Variants in CAMK1D observed in about 807,000 individuals in gnomAD.
The protein encoded by CAMK1D is calcium/calmodulin-dependent protein kinase type 1D.
A neutral mutation model predicts 47.7 loss-of-function variants in CAMK1D; 9 were observed. The observed-to-expected ratio is 0.19, with a 90% CI of 0.11 to 0.33. CAMK1D has a LOEUF of 0.33. Among genes scored for constraint, CAMK1D ranks in the 10% least tolerant of loss-of-function variants. The pLI is 1.00. For missense variants in CAMK1D, 291 were observed against 488.7 expected (o/e 0.60, Z 3.81); for synonymous variants, 184 against 184.9 (o/e 0.99, Z 0.04).
In CAMK1D at chr10:12,674,599, C is replaced by CTTTTTTTTTTTTTTT. The variant is rs11391139; in HGVS notation, c.299+7793_299+7807dup. Among the ~76,000 whole-genome samples the CTTTTTTTTTTTTTTT allele has an allele frequency of 1.1e-3, 67 of 63,444 alleles. 4 individuals carry two copies. The highest frequency in any genetic ancestry group is 2.0e-3 in the South Asian group (2 of 1,020). The allele number at this position is 63,444 out of a possible 152,430, so 41.6% of individuals were successfully genotyped here. Reference sequence around the variant, plus strand: ...TTTTATTTGGGTTTTTGGAAAAATGCTTTTTTTTTTTTTTTTTTCAGAATT... The same window carrying CTTTTTTTTTTTTTTT: ...TTTTATTTGGGTTTTTGGAAAAATGCTTTTTTTTTTTTTTTTTTTTTTTTTTTTTTTTTCAGAATT... On this transcript the variant is annotated intron_variant, in intron 3 of 10. Coordinates refer to ENST00000619168, the MANE Select transcript of CAMK1D (RefSeq NM_153498.4).
intron 3 of CAMK1D, among the ~76,000 whole-genome samples, chr10:12,728,121 C>A (rs1834739012): frequency 6.6e-6 from 1 of 152,194 alleles, no homozygotes; most frequent in African/African-American, 2.4e-5. Context: ...GTGAGTAAAA[C>A]AGAGATGGTG....
intron 1 of CAMK1D, among the ~76,000 whole-genome samples, chr10:12,502,486 G>A (rs373354985): frequency 1.4e-4 from 21 of 152,158 alleles, no homozygotes; most frequent in African/African-American, 5.1e-4. Context: ...CTACTGACCA[G>A]CATCCCATGG....
At chr10:12,611,588 C>CCTTTT (rs1838622182) in intron 2 of CAMK1D, among the ~76,000 whole-genome samples, 1 of 59,906 alleles carries the variant, frequency 1.7e-5, no homozygotes, top group East Asian at 7.5e-4. Context: ...TTCAGAATGC[C>CCTTTT]TTTTTTTTTT....
At chr10:12,792,941 T>TA (rs1180460822) in intron 6 of CAMK1D, among the ~76,000 whole-genome samples, 2 of 147,074 alleles carry the variant, frequency 1.4e-5, no homozygotes, top group East Asian at 4.0e-4. Flanking sequence ...TATCCCCTAA[T>TA]AAAATCACAT....
At chr10:12,498,126 G>C (rs958217847) in intron 1 of CAMK1D, among the ~76,000 whole-genome samples, 4 of 152,132 alleles carry the variant, frequency 2.6e-5, no homozygotes, top group African/African-American at 9.7e-5. Context: ...CAACACATGG[G>C]GATTATAGGA....
intron 8 of CAMK1D, among the ~76,000 whole-genome samples, chr10:12,819,946 G>A (rs1630635): frequency 0.095 from 14,492 of 152,200 alleles, 1,013 homozygotes; most frequent in East Asian, 0.36. Context: ...AGGAAGAGAA[G>A]GGTCTAGGAT....
At position 12,694,287 on chromosome 10, in the gene CAMK1D, A is replaced by T. The variant is rs111218104; in HGVS notation, c.299+27477A>T. Among the ~76,000 whole-genome samples the T allele has an allele frequency of 3.2e-3, 166 of 51,994 alleles. 16 individuals carry two copies. The highest frequency in any genetic ancestry group is 3.2e-3 in the Non-Finnish European group (103 of 31,866). 34.1% of individuals were successfully genotyped at this position (51,994 alleles called of 152,430 possible). On this transcript the variant is annotated intron_variant, in intron 3 of 10. Transcript: ENST00000619168. Reference sequence around the variant, plus strand: ...TATAATATATATTATACATAATATAAAATATATATTATATATAAAATATAT... The same window carrying T: ...TATAATATATATTATACATAATATATAATATATATTATATATAAAATATAT...
rs377219327 is a variant in CAMK1D, at chr10:12,722,214, C to T, written c.300-38734C>T. On this transcript the variant is annotated intron_variant, in intron 3 of 10. Coordinates refer to ENST00000619168, the MANE Select transcript of CAMK1D (RefSeq NM_153498.4). ...ATCCCAGCACTTTGGGAGGCTGAGG[C>T]GGGCGGATCACGAAGTCTGGAGATC... Among the ~76,000 whole-genome samples, 14 of 151,882 alleles carry T rather than the reference C, an allele frequency of 9.2e-5. No individual in the cohort carries two copies. In the East Asian group the frequency reaches 9.7e-4, roughly 10 times the overall value.
At chr10:12,565,909 G>A (rs1837110058) in intron 2 of CAMK1D, among the ~76,000 whole-genome samples, 3 of 152,106 alleles carry the variant, frequency 2.0e-5, no homozygotes, top group African/African-American at 7.2e-5. Context: ...ACTCTAGGTA[G>A]GAGGTGTTCA....
intron 3 of CAMK1D, among the ~76,000 whole-genome samples, chr10:12,738,737 C>A (rs972100930): frequency 3.3e-5 from 5 of 152,022 alleles, no homozygotes; most frequent in Admixed American, 2.0e-4. Flanking sequence ...GAGGCTGAGG[C>A]AGGAGGAGCG....
chr10:12,647,295 C>G (rs1417953271), intron 2 of CAMK1D, among the ~76,000 whole-genome samples: 1 of 150,650 alleles, frequency 6.6e-6, no homozygotes, highest in Non-Finnish European at 1.5e-5. Context: ...ATTACAGGCA[C>G]CTGCTACCAC....
chr10:12,805,905 T>C (rs1255088716), intron 6 of CAMK1D, among the ~76,000 whole-genome samples: 1 of 152,206 alleles, frequency 6.6e-6, no homozygotes. Context: ...GGGCTCAGAC[T>C]GTATCAGAGA....
At chr10:12,764,190 G>T (rs891312169) in intron 4 of CAMK1D, among the ~76,000 whole-genome samples, 1 of 152,140 alleles carries the variant, frequency 6.6e-6, no homozygotes, top group Non-Finnish European at 1.5e-5. Context: ...AGACCAGCCT[G>T]ACCAACATGG....
At chr10:12,740,988 C>G (rs1835401321) in intron 3 of CAMK1D, among the ~76,000 whole-genome samples, 1 of 152,070 alleles carries the variant, frequency 6.6e-6, no homozygotes, top group African/African-American at 2.4e-5. Context: ...ATTGGTGGTT[C>G]CTGGACTGCC....
intron 3 of CAMK1D, among the ~76,000 whole-genome samples, chr10:12,692,558 T>C (rs1023660301): frequency 7.2e-5 from 11 of 152,158 alleles, no homozygotes; most frequent in Admixed American, 2.0e-4. Context: ...ATGAAGTAAA[T>C]TGAGAAGCCA....
In CAMK1D at chr10:12,536,952, G is replaced by A. The variant is rs115459270; in HGVS notation, c.93-16273G>A. 3.5e-3 allele frequency among the ~76,000 whole-genome samples: 534 copies of A among 152,168 alleles called. 4 individuals carry two copies. The highest frequency in any genetic ancestry group is 0.012 in the African/African-American group (507 of 41,524). On this transcript the variant is annotated intron_variant, in intron 1 of 10. Coordinates refer to ENST00000619168, the MANE Select transcript of CAMK1D (RefSeq NM_153498.4). ...GGGATATTTACATCCCTCTAGATAC[G>A]TTGTGATATTTATATTCCTCTAGAT...
intron 1 of CAMK1D, among the ~76,000 whole-genome samples, chr10:12,471,517 G>A (rs1447450062): frequency 6.6e-6 from 1 of 152,208 alleles, no homozygotes; most frequent in Non-Finnish European, 1.5e-5. Context: ...AAAACCTGAG[G>A]AGGAACAGGG....
chr10:12,485,153 T>C (rs566897570), intron 1 of CAMK1D, among the ~76,000 whole-genome samples: 8 of 152,264 alleles, frequency 5.3e-5, no homozygotes, highest in African/African-American at 1.9e-4. Context: ...TAGAATGCAT[T>C]AGTAAGTGTA....
intron 2 of CAMK1D, among the ~76,000 whole-genome samples, chr10:12,632,797 C>T (rs1004376370): frequency 9.2e-5 from 14 of 152,202 alleles, no homozygotes; most frequent in South Asian, 4.2e-4. Flanking sequence ...CTGGTTCAAA[C>T]GATTCTCTTG....
Sources: allele counts gnomAD v4.1 joint callset (sites outside exome capture counted in the v4.1 genomes callset), GRCh38; gene constraint gnomAD v4.1.1; transcripts MANE v1.5; gene names NCBI Gene and HGNC (gene_info 2026-07-23, HGNC 2026-07-21).